PIAS1: variants seen among roughly 807,000 people sequenced by gnomAD.
PIAS1 encodes protein inhibitor of activated STAT 1.
PIAS1 carries 6 observed loss-of-function variants against 71.3 expected under a neutral mutation model. That is an observed-to-expected ratio of 0.08 (90% confidence interval 0.05 to 0.17). The LOEUF (loss-of-function observed/expected upper bound fraction) is 0.17. PIAS1 is among the 10% of genes least tolerant of loss of function. The pLI is 1.00. For synonymous variants in PIAS1, 303 were observed against 292.9 expected, an observed-to-expected ratio of 1.03 and a Z score of -0.35; for missense variants, 555 against 793.6, an observed-to-expected ratio of 0.70 and a Z score of 3.61.
rs1376999531 is a variant in PIAS1 at position 68,068,582 on chromosome 15, A to G, written c.24+14232A>G. Among the ~76,000 whole-genome samples, 4 of 151,876 alleles carry G rather than the reference A, an allele frequency of 2.6e-5. No homozygotes were observed. The East Asian group carries it at 7.8e-4, about 30-fold the overall frequency. ...ATTCTCCACCCTCAGCCTCCCGAGTAGCTGGGATTACGGGTGTCTGCCACC... is the reference window on the plus strand; with the variant it reads ...ATTCTCCACCCTCAGCCTCCCGAGTGGCTGGGATTACGGGTGTCTGCCACC... On this transcript the variant is annotated intron_variant, in intron 1 of 13. Transcript: ENST00000249636.
chr15:68,124,241 C>T (rs542709612), intron 2 of PIAS1, among the ~76,000 whole-genome samples: 2 of 152,062 alleles, frequency 1.3e-5, no homozygotes, highest in Admixed American at 1.3e-4. Flanking sequence ...CTACTGATGG[C>T]TATAACTATG....
At chr15:68,106,711 A>G (rs1225501798) in intron 2 of PIAS1, among the ~76,000 whole-genome samples, 1 of 152,018 alleles carries the variant, frequency 6.6e-6, no homozygotes, top group Non-Finnish European at 1.5e-5. Context: ...TCCTCCTAAT[A>G]TTATCTATAA....
chr15:68,187,844 C>T lies in PIAS1; in HGVS notation c.*9C>T. The T allele has an allele frequency of 1.2e-6, 2 of 1,607,444 alleles. No homozygotes were observed. Among genetic ancestry groups the T allele is most frequent in the Non-Finnish European group, 8.5e-7 (1 of 1,176,260 alleles). On this transcript the variant is annotated 3_prime_UTR_variant, in exon 14 of 14. Transcript: ENST00000249636. This position sits in a 1 kb window ranked among gnomAD's most constrained non-coding sequence, Gnocchi z 5.3. ...TTATTTCATTGGACTGATTCCCAGGCCCTGCTGCTCCCATCCCCACCCCAG... is the reference window on the plus strand; with the variant it reads ...TTATTTCATTGGACTGATTCCCAGGTCCTGCTGCTCCCATCCCCACCCCAG...
intron 2 of PIAS1, among the ~76,000 whole-genome samples, chr15:68,094,741 A>G (rs954927786): frequency 9.2e-5 from 14 of 152,304 alleles, no homozygotes; most frequent in African/African-American, 3.4e-4. Context: ...ATTCAGCATA[A>G]ACTGTGCTCC....
Position 68,183,622 on chromosome 15 carries a change from T to A in PIAS1, c.1625-8T>A. Reference sequence around the variant, plus strand: ...TTTTTTAAACTGAAATAATTTTTTCTTCCACAGGATTAGATTTCTTTCCTT... The same window carrying A: ...TTTTTTAAACTGAAATAATTTTTTCATCCACAGGATTAGATTTCTTTCCTT... On this transcript the variant is annotated splice_region_variant and splice_polypyrimidine_tract_variant and intron_variant, in intron 12 of 13. Transcript: ENST00000249636. 9.1e-7 allele frequency: 1 copy of A among 1,093,824 alleles called. No homozygotes were observed. Among genetic ancestry groups the A allele is most frequent in the Non-Finnish European group, 1.3e-6 (1 of 745,034 alleles). 67.8% of individuals were successfully genotyped at this position (1,093,824 alleles called of 1,614,324 possible).
rs574639567 is a variant in PIAS1, at chr15:68,161,821, T to G, written c.935-2910T>G. 1.1e-4 allele frequency among the ~76,000 whole-genome samples: 17 copies of G among 151,966 alleles called. No homozygotes were observed. In the South Asian group the frequency reaches 3.3e-3, roughly 30 times the overall value. ...GGTGCACACCTCTAATCCCAGCTAC[T>G]TGGGAGGCTGAGGCAGGAGAATCAC... On this transcript the variant is annotated intron_variant, in intron 7 of 13. Transcript: ENST00000249636.
intron 1 of PIAS1, among the ~76,000 whole-genome samples, chr15:68,070,674 TG>T (rs2092085002): frequency 6.6e-6 from 1 of 151,540 alleles, no homozygotes; most frequent in Admixed American, 6.6e-5. Flanking sequence ...AGACATAGTA[TG>T]AAAAAAAGAA....
chr15:68,112,042 C>CTGAGA (rs1449236984), intron 2 of PIAS1, among the ~76,000 whole-genome samples: 1 of 152,124 alleles, frequency 6.6e-6, no homozygotes, highest in African/African-American at 2.4e-5. Flanking sequence ...TTCTTCCTCA[C>CTGAGA]TGAGAAAATG....
chr15:68,161,636 T>C (rs1411683648), intron 7 of PIAS1, among the ~76,000 whole-genome samples: 1 of 152,142 alleles, frequency 6.6e-6, no homozygotes, highest in Non-Finnish European at 1.5e-5. Context: ...TAGGCTATTT[T>C]AAAACTTTTT....
chr15:68,089,927 T>C (rs1240740721), intron 2 of PIAS1, among the ~76,000 whole-genome samples: 1 of 152,076 alleles, frequency 6.6e-6, no homozygotes, highest in East Asian at 1.9e-4. Context: ...TTGCCCAGGC[T>C]GGAGTGCACT....
chr15:68,092,064 A>G (rs1396470601), intron 2 of PIAS1, among the ~76,000 whole-genome samples: 5 of 152,216 alleles, frequency 3.3e-5, no homozygotes, highest in African/African-American at 1.2e-4. Context: ...AAGTTTTTAA[A>G]TATCTCAGGC....
At chr15:68,148,840 C>A (rs2092826311) in intron 6 of PIAS1, among the ~76,000 whole-genome samples, 1 of 152,190 alleles carries the variant, frequency 6.6e-6, no homozygotes, top group Admixed American at 6.5e-5. Flanking sequence ...AGAAGGACAT[C>A]TCTTAGGAGC....
At position 68,054,481 on chromosome 15, in the gene PIAS1, G is replaced by A. The variant is rs1329829410; in HGVS notation, c.24+131G>A. ...ACCCGGGCCTGGAGTTGTAGGGAGA[G>A]AGGCGCGCCCGGTCTCAGCAGAGGG... On this transcript the variant is annotated intron_variant, in intron 1 of 13. Transcript: ENST00000249636. This position sits in a 1 kb window ranked among gnomAD's most constrained non-coding sequence, Gnocchi z 4.6. 1.0e-6 allele frequency: 1 copy of A among 972,324 alleles called. No homozygotes were observed. Among genetic ancestry groups the A allele is most frequent in the East Asian group, 3.0e-5 (1 of 33,772 alleles). 60.2% of individuals were successfully genotyped at this position (972,324 alleles called of 1,614,324 possible).
intron 1 of PIAS1, among the ~76,000 whole-genome samples, chr15:68,079,288 A>G (rs1044971273): frequency 1.3e-5 from 2 of 152,092 alleles, no homozygotes; most frequent in African/African-American, 4.8e-5. Context: ...TTCTCTTCCT[A>G]TACATACTCA....
chr15:68,098,243 T>G (rs758357488), intron 2 of PIAS1, among the ~76,000 whole-genome samples: 5 of 152,214 alleles, frequency 3.3e-5, no homozygotes, highest in Non-Finnish European at 5.9e-5. Context: ...GATTAACACG[T>G]ATTTTGTATA....
At chr15:68,105,556 A>C (rs1215173082) in intron 2 of PIAS1, among the ~76,000 whole-genome samples, 1 of 152,158 alleles carries the variant, frequency 6.6e-6, no homozygotes, top group Non-Finnish European at 1.5e-5. Flanking sequence ...TAAGTAATCT[A>C]TTTTAGCCTT....
intron 6 of PIAS1, 143 bp downstream of exon 6, chr15:68,146,843 C>A: frequency 2.8e-6 from 2 of 708,954 alleles, no homozygotes; most frequent in South Asian, 2.1e-5. Context: ...CAACATGTTT[C>A]CATTTGAAAA....
chr15:68,131,183 T>TA lies in PIAS1; in HGVS notation c.470-10758dup, dbSNP rs2092685727. On this transcript the variant is annotated intron_variant, in intron 2 of 13. Transcript: ENST00000249636. Reference sequence around the variant, plus strand: ...ATTAAATGCCCATTAATAATTTTTTTAAAAAGAAGTAGAAAAAGTGTTCTT... The same window carrying TA: ...ATTAAATGCCCATTAATAATTTTTTTAAAAAAGAAGTAGAAAAAGTGTTCTT... Among the ~76,000 whole-genome samples, 4 of 152,144 alleles carry TA rather than the reference T, an allele frequency of 2.6e-5. No homozygotes were observed. In the South Asian group the frequency reaches 8.3e-4, roughly 31 times the overall value.
chr15:68,141,867 A>G lies in PIAS1; in HGVS notation c.470-79A>G, dbSNP rs924160322. Reference sequence around the variant, plus strand: ...GAATATATACCAGTTAATTAAAGACATGTGTGTTTTTTTTTTTTGCTTTTG... The same window carrying G: ...GAATATATACCAGTTAATTAAAGACGTGTGTGTTTTTTTTTTTTGCTTTTG... On this transcript the variant is annotated intron_variant, in intron 2 of 13. Transcript: ENST00000249636. The G allele has an allele frequency of 2.7e-4, 199 of 748,240 alleles. 1 individual carries two copies. Among genetic ancestry groups the G allele is most frequent in the Middle Eastern group, 7.4e-4 (3 of 4,062 alleles). 46.4% of individuals were successfully genotyped at this position (748,240 alleles called of 1,614,324 possible). A position where few individuals can be genotyped will look rare whatever the true frequency, so the allele number is the denominator to read the frequency against.
Sources: allele counts gnomAD v4.1 joint callset (sites outside exome capture counted in the v4.1 genomes callset), GRCh38; gene constraint gnomAD v4.1.1; non-coding constraint Gnocchi (gnomAD v3.1); transcripts MANE v1.5; gene names NCBI Gene and HGNC (gene_info 2026-07-23, HGNC 2026-07-21).